ABLIM2: variants seen among roughly 807,000 people sequenced by gnomAD.
The protein encoded by ABLIM2 is actin binding LIM protein family member 2.
A neutral mutation model predicts 97.7 loss-of-function variants in ABLIM2; 53 were observed. The ratio of observed to expected loss-of-function variants is 0.54; its 90% confidence interval spans 0.44 to 0.68. ABLIM2 has a LOEUF of 0.68. Ranked by LOEUF, ABLIM2 falls within the 30% of genes least tolerant of loss-of-function variation. The pLI is 0.00. For missense variants in ABLIM2, 835 were observed against 867.2 expected, an observed-to-expected ratio of 0.96 and a Z score of 0.47; for synonymous variants, 361 against 345.8, an observed-to-expected ratio of 1.04 and a Z score of -0.49.
In ABLIM2 at chr4:8,082,170, C is replaced by A. The variant is rs1820326303; in HGVS notation, c.455-1368G>T. Among the ~76,000 whole-genome samples, 1 of 152,116 alleles carries A rather than the reference C, an allele frequency of 6.6e-6. No individual in the cohort carries two copies. Among genetic ancestry groups the A allele is most frequent in the African/African-American group, 2.4e-5 (1 of 41,424 alleles). On this transcript the variant is annotated intron_variant, in intron 4 of 20. Transcript: ENST00000447017. This position sits in a 1 kb window ranked among gnomAD's most constrained non-coding sequence, Gnocchi z 5.6. The stretch of plus-strand genomic sequence containing the variant: ...CCTGCAGGAGCCCCTGAGTAATTCA[C>A]AGACCAAGCAGGGACCCCTCGTGCC...
chr4:8,007,430 G>A (rs1210721988), intron 16 of ABLIM2: 18 of 985,412 alleles, frequency 1.8e-5, no homozygotes, highest in East Asian at 2.3e-4. Flanking sequence ...GCTGAGACCC[G>A]CAGACCGCTT....
intron 9 of ABLIM2, among the ~76,000 whole-genome samples, chr4:8,038,397 C>G (rs1245060416): frequency 6.6e-6 from 1 of 152,204 alleles, no homozygotes; most frequent in Non-Finnish European, 1.5e-5. Context: ...GTGGTCTCAG[C>G]TCAAACCCTC....
chr4:8,089,284 C>T (rs949586226), intron 3 of ABLIM2, among the ~76,000 whole-genome samples: 4 of 152,168 alleles, frequency 2.6e-5, no homozygotes, highest in Non-Finnish European at 5.9e-5. Flanking sequence ...GCCAGAAGCA[C>T]AGCCTGAGAA....
chr4:8,134,713 C>T (rs1370247433), intron 1 of ABLIM2, among the ~76,000 whole-genome samples: 4 of 152,214 alleles, frequency 2.6e-5, no homozygotes, highest in Non-Finnish European at 4.4e-5. Context: ...ATTTAAAAGA[C>T]TGACAGTGTC....
rs1354174436 is a variant in ABLIM2 at position 8,085,172 on chromosome 4, T to C, written c.454+2997A>G. Among the ~76,000 whole-genome samples, 1 of 151,990 alleles carries C rather than the reference T, an allele frequency of 6.6e-6. No individual in the cohort carries two copies. The highest frequency in any genetic ancestry group is 2.4e-5 in the African/African-American group (1 of 41,386). On this transcript the variant is annotated intron_variant, in intron 4 of 20. Coordinates refer to ENST00000447017, the MANE Select transcript of ABLIM2 (RefSeq NM_001130083.2). The surrounding 1 kb of genome is among the most constrained non-coding windows in gnomAD (Gnocchi z 6.1). ...AGCTCAGGGCCACGGGACTCAAGCT[T>C]GAGCTCTGCCTCAAGAGCCAGCCAC...
rs1728550679 is a variant in ABLIM2, at chr4:7,972,090, T to G, written c.1825-4987A>C. On this transcript the variant is annotated intron_variant, in intron 20 of 20. Coordinates refer to ENST00000447017, the MANE Select transcript of ABLIM2 (RefSeq NM_001130083.2). ...CCCAGCAGGAGGTCCCTGCAGGACC[T>G]ACAGTGACATCACTGTCATAATGAC... Among the ~76,000 whole-genome samples, 4 of 152,196 alleles carry G rather than the reference T, an allele frequency of 2.6e-5. No individual in the cohort carries two copies. In the South Asian group the frequency reaches 6.2e-4, roughly 24 times the overall value.
chr4:7,982,319 G>T (rs1282264479), intron 20 of ABLIM2, among the ~76,000 whole-genome samples: 2 of 152,216 alleles, frequency 1.3e-5, no homozygotes, highest in Non-Finnish European at 2.9e-5. Context: ...ATGGTGCTGG[G>T]TGTCCCCTTT....
At chr4:8,018,199 C>T (rs1282631160) in intron 14 of ABLIM2, among the ~76,000 whole-genome samples, 1 of 152,212 alleles carries the variant, frequency 6.6e-6, no homozygotes, top group African/African-American at 2.4e-5. Context: ...GTTAATCACA[C>T]ATTTTAAGGC....
At chr4:8,111,491 A>G (rs1021641873) in intron 1 of ABLIM2, among the ~76,000 whole-genome samples, 1 of 152,250 alleles carries the variant, frequency 6.6e-6, no homozygotes, top group Non-Finnish European at 1.5e-5. Context: ...AGAATACATC[A>G]ACGTTGGTAC....
At chr4:7,977,501 G>C (rs6447896) in intron 20 of ABLIM2, among the ~76,000 whole-genome samples, 69,177 of 152,140 alleles carry the variant, frequency 0.45, 16,637 homozygotes, top group Non-Finnish European at 0.54. Flanking sequence ...CATTTAAAAG[G>C]TAGGGTAGGC....
In ABLIM2 at chr4:8,128,521, G is replaced by T. The variant is rs975527768; in HGVS notation, c.11-21884C>A. Among the ~76,000 whole-genome samples, 1 of 152,166 alleles carries T rather than the reference G, an allele frequency of 6.6e-6. No individual in the cohort carries two copies. Among genetic ancestry groups the T allele is most frequent in the Non-Finnish European group, 1.5e-5 (1 of 68,032 alleles). Reference sequence around the variant, plus strand: ...TTATTTAATTTTAATTCAACCAGGGGACCTGCTGGTTACCAGATGTACTCC... The same window carrying T: ...TTATTTAATTTTAATTCAACCAGGGTACCTGCTGGTTACCAGATGTACTCC... On this transcript the variant is annotated intron_variant, in intron 1 of 20. Coordinates refer to ENST00000447017, the MANE Select transcript of ABLIM2 (RefSeq NM_001130083.2). The surrounding 1 kb of genome is among the most constrained non-coding windows in gnomAD (Gnocchi z 4.9).
rs985901187 is a variant in ABLIM2, at chr4:8,120,350, G to C, written c.11-13713C>G. On this transcript the variant is annotated intron_variant, in intron 1 of 20. Coordinates refer to ENST00000447017, the MANE Select transcript of ABLIM2 (RefSeq NM_001130083.2). This position sits in a 1 kb window ranked among gnomAD's most constrained non-coding sequence, Gnocchi z 5.6. ...AGGTGTCGTTATGGTAAAGCAAGGT[G>C]ATCTGGAGGGTGGGTCCTCATCCAG... 1.3e-5 allele frequency among the ~76,000 whole-genome samples: 2 copies of C among 152,186 alleles called. No homozygotes were observed. The highest frequency in any genetic ancestry group is 2.9e-5 in the Non-Finnish European group (2 of 68,030).
At chr4:8,051,590 G>C (rs570171352) in intron 8 of ABLIM2, among the ~76,000 whole-genome samples, 1 of 148,358 alleles carries the variant, frequency 6.7e-6, no homozygotes, top group East Asian at 2.0e-4. Context: ...GAAAAGAAAA[G>C]AAATTATTTT....
At chr4:8,119,288 G>GCGT (rs796731343) in intron 1 of ABLIM2, among the ~76,000 whole-genome samples, 45 of 151,948 alleles carry the variant, frequency 3.0e-4, no homozygotes, top group African/African-American at 1.0e-3. Context: ...GCTGGAGAGG[G>GCGT]CGTGTAGTCT....
chr4:8,049,403 T>C (rs1300667031), intron 8 of ABLIM2, among the ~76,000 whole-genome samples: 2 of 152,164 alleles, frequency 1.3e-5, no homozygotes, highest in African/African-American at 4.8e-5. Context: ...AAACCAAAAA[T>C]TAAATGCTGG....
At chr4:7,977,109 T>C (rs965649580) in intron 20 of ABLIM2, among the ~76,000 whole-genome samples, 6 of 152,158 alleles carry the variant, frequency 3.9e-5, no homozygotes, top group African/African-American at 1.4e-4. Flanking sequence ...CCCATGCTGT[T>C]CTCGTGATAG....
chr4:7,975,889 G>T (rs1732638854), intron 20 of ABLIM2, among the ~76,000 whole-genome samples: 1 of 152,126 alleles, frequency 6.6e-6, no homozygotes, highest in African/African-American at 2.4e-5. Context: ...ACTTCAGAGG[G>T]CCAAAAACAC....
At chr4:8,008,941 G>A (rs1291992554) in intron 15 of ABLIM2, 109 bp downstream of exon 15, 2 of 1,363,936 alleles carry the variant, frequency 1.5e-6, no homozygotes, top group East Asian at 2.3e-5. Context: ...GGGCCCCTAA[G>A]GAACAGAATG....
chr4:7,973,075 C>CTGTGTCTG (rs1729449613), intron 20 of ABLIM2, among the ~76,000 whole-genome samples: 1 of 123,978 alleles, frequency 8.1e-6, no homozygotes, highest in Admixed American at 8.1e-5. Flanking sequence ...GCTCCCCTTG[C>CTGTGTCTG]TGTGTGTGTG....
Sources: allele counts gnomAD v4.1 joint callset (sites outside exome capture counted in the v4.1 genomes callset), GRCh38; gene constraint gnomAD v4.1.1; non-coding constraint Gnocchi (gnomAD v3.1); transcripts MANE v1.5; gene names NCBI Gene and HGNC (gene_info 2026-07-23, HGNC 2026-07-21).